SIPA1L2: variants seen among roughly 807,000 people sequenced by gnomAD.
SIPA1L2 encodes the protein signal-induced proliferation-associated 1-like protein 2.
Under a neutral mutation model 163.9 loss-of-function variants are expected in SIPA1L2, and 56 were observed. The observed-to-expected ratio is 0.34, with a 90% confidence interval of 0.28 to 0.43. SIPA1L2 has a LOEUF of 0.43. Among genes scored for constraint, SIPA1L2 ranks in the 20% least tolerant of loss-of-function variants. SIPA1L2 has a pLI of 1.00. For missense variants in SIPA1L2, 1,974 were observed against 2,193.5 expected (o/e 0.90, Z 2.00); for synonymous variants, 877 against 865.7 (o/e 1.01, Z -0.23).
At chr1:232,543,397 C>T (rs903305554) in intron 2 of SIPA1L2, among the ~76,000 whole-genome samples, 1 of 152,220 alleles carries the variant, frequency 6.6e-6, no homozygotes, top group East Asian at 1.9e-4. Context: ...CCTGCCTCTC[C>T]TGGCCCCTTC....
At chr1:232,480,568 C>A (rs1409677492) in intron 6 of SIPA1L2, among the ~76,000 whole-genome samples, 1 of 152,130 alleles carries the variant, frequency 6.6e-6, no homozygotes, top group East Asian at 1.9e-4. Context: ...TGAAACTAAC[C>A]TGCTGACTAT....
chr1:232,428,369 T>TAG, intron 17 of SIPA1L2, 42 bp downstream of exon 17: 1 of 1,361,680 alleles, frequency 7.3e-7, no homozygotes, highest in Non-Finnish European at 9.6e-7. Flanking sequence ...TTTTTTTTTT[T>TAG]TTAGTGTTTC....
At chr1:232,573,436 T>C (rs1401144416) in intron 2 of SIPA1L2, among the ~76,000 whole-genome samples, 1 of 152,118 alleles carries the variant, frequency 6.6e-6, no homozygotes, top group East Asian at 1.9e-4. Flanking sequence ...TGTGGGTGCG[T>C]GCATGTGCCA....
intron 10 of SIPA1L2, among the ~76,000 whole-genome samples, chr1:232,452,699 T>C (rs1322802852): frequency 6.6e-6 from 1 of 152,206 alleles, no homozygotes; most frequent in African/African-American, 2.4e-5. Context: ...AGTCAAGCCA[T>C]ATGGTTTTTT....
chr1:232,588,866 A>C (rs1359100842), intron 1 of SIPA1L2, among the ~76,000 whole-genome samples: 1 of 152,252 alleles, frequency 6.6e-6, no homozygotes, highest in Non-Finnish European at 1.5e-5. Flanking sequence ...ATTTTTCACG[A>C]AAGTATTATT....
intron 19 of SIPA1L2, among the ~76,000 whole-genome samples, chr1:232,411,654 G>C (rs533748591): frequency 6.6e-6 from 1 of 151,680 alleles, no homozygotes; most frequent in Admixed American, 6.6e-5. Flanking sequence ...AGTTTTTGTG[G>C]AATCTTTTTA....
chr1:232,585,082 A>G (rs1031807107), intron 1 of SIPA1L2, among the ~76,000 whole-genome samples: 26 of 152,208 alleles, frequency 1.7e-4, no homozygotes, highest in African/African-American at 6.0e-4. Context: ...ATTTTTATAC[A>G]CCTAAAAGTA....
intron 3 of SIPA1L2, among the ~76,000 whole-genome samples, chr1:232,505,234 G>A (rs759813310): frequency 6.6e-5 from 10 of 152,174 alleles, no homozygotes; most frequent in Non-Finnish European, 1.3e-4. Context: ...CACTGATAAC[G>A]GGATGGCTGT....
At chr1:232,491,921 T>C (rs531034754) in intron 4 of SIPA1L2, among the ~76,000 whole-genome samples, 2 of 152,352 alleles carry the variant, frequency 1.3e-5, no homozygotes, top group East Asian at 3.9e-4. Flanking sequence ...CATCAACTAT[T>C]AAACACTCGA....
chr1:232,561,098 C>T (rs1047422424), intron 2 of SIPA1L2, among the ~76,000 whole-genome samples: 1 of 152,204 alleles, frequency 6.6e-6, no homozygotes, highest in Non-Finnish European at 1.5e-5. Flanking sequence ...TCTACCAGTT[C>T]CTGGGGAGGT....
chr1:232,572,456 A>T (rs1029080298), intron 2 of SIPA1L2, among the ~76,000 whole-genome samples: 1 of 152,080 alleles, frequency 6.6e-6, no homozygotes, highest in South Asian at 2.1e-4. Context: ...CTTGATTCCC[A>T]TTAGGAGGGA....
intron 3 of SIPA1L2, among the ~76,000 whole-genome samples, chr1:232,503,489 C>T (rs1666579876): frequency 6.6e-6 from 1 of 152,146 alleles, no homozygotes; most frequent in South Asian, 2.1e-4. Flanking sequence ...CCTCCTGAGG[C>T]CAGGTACGTA....
At chr1:232,600,297 T>C (rs1661524500) in intron 1 of SIPA1L2, among the ~76,000 whole-genome samples, 1 of 108,560 alleles carries the variant, frequency 9.2e-6, no homozygotes, top group Non-Finnish European at 2.2e-5. Flanking sequence ...AAACACATTC[T>C]GAAAACAAGA....
intron 2 of SIPA1L2, among the ~76,000 whole-genome samples, chr1:232,542,758 G>A (rs945973380): frequency 9.2e-5 from 14 of 152,156 alleles, no homozygotes; most frequent in African/African-American, 3.4e-4. Context: ...TTGCAGTTAC[G>A]CGATCTCATG....
At position 232,465,552 on chromosome 1, in the gene SIPA1L2, AC is replaced by A. The variant is rs1172932904; in HGVS notation, c.2244-137del. 4.7e-5 allele frequency: 35 copies of A among 745,278 alleles called. No individual in the cohort carries two copies. Among genetic ancestry groups the A allele is most frequent in the Non-Finnish European group, 8.6e-6 (4 of 464,508 alleles). The allele number at this position is 745,278 out of a possible 1,614,324, so 46.2% of individuals were successfully genotyped here. On this transcript the variant is annotated intron_variant, in intron 8 of 22. Coordinates refer to ENST00000674635, the MANE Select transcript of SIPA1L2 (RefSeq NM_020808.5). The surrounding 1 kb of genome is among the most constrained non-coding windows in gnomAD (Gnocchi z 4.1). ...CACACACATATACATACACACATAC[AC>A]ACACACTTTCAACTTAACTGGTTTA...
chr1:232,594,564 T>C (rs765850661), intron 1 of SIPA1L2, among the ~76,000 whole-genome samples: 11 of 152,212 alleles, frequency 7.2e-5, no homozygotes, highest in Middle Eastern at 3.4e-3. Context: ...TCACTCTCCT[T>C]CTGGGAAAAA....
intron 16 of SIPA1L2, among the ~76,000 whole-genome samples, chr1:232,431,736 G>A (rs1229984791): frequency 6.6e-6 from 1 of 152,236 alleles, no homozygotes; most frequent in Non-Finnish European, 1.5e-5. Flanking sequence ...TGGGTTATCA[G>A]TATTTTTAAA....
At chr1:232,580,304 T>C (rs759346545) in intron 1 of SIPA1L2, among the ~76,000 whole-genome samples, 7 of 152,194 alleles carry the variant, frequency 4.6e-5, no homozygotes, top group Non-Finnish European at 1.0e-4. Context: ...AGGTCACTTT[T>C]GTCACCATCT....
chr1:232,615,770 G>A (rs971311866), intron 1 of SIPA1L2, among the ~76,000 whole-genome samples: 1 of 151,808 alleles, frequency 6.6e-6, no homozygotes, highest in Non-Finnish European at 1.5e-5. Context: ...CTTCCAATGA[G>A]GGGGGGCAGG....
Sources: allele counts gnomAD v4.1 joint callset (sites outside exome capture counted in the v4.1 genomes callset), GRCh38; gene constraint gnomAD v4.1.1; non-coding constraint Gnocchi (gnomAD v3.1); transcripts MANE v1.5; gene names NCBI Gene and HGNC (gene_info 2026-07-23, HGNC 2026-07-21).